SPOCK3: variants seen among roughly 807,000 people sequenced by gnomAD.
SPOCK3 encodes testican-3.
Under a neutral mutation model 56.6 loss-of-function variants are expected in SPOCK3, and 30 were observed. That is an observed-to-expected ratio of 0.53 (90% CI 0.40 to 0.72). SPOCK3 has a LOEUF of 0.72. Ranked by LOEUF, SPOCK3 falls within the 30% of genes least tolerant of loss-of-function variation. SPOCK3 has a pLI of 0.00. For synonymous variants in SPOCK3, 196 were observed against 183.3 expected, an observed-to-expected ratio of 1.07 and a Z score of -0.56; for missense variants, 527 against 530.0, an observed-to-expected ratio of 0.99 and a Z score of 0.06.
chr4:166,835,399 C>A (rs1383386924), intron 6 of SPOCK3, among the ~76,000 whole-genome samples: 1 of 151,950 alleles, frequency 6.6e-6, no homozygotes. Flanking sequence ...CCAAAGGAAA[C>A]AAAACAAATC....
intron 4 of SPOCK3, among the ~76,000 whole-genome samples, chr4:166,969,484 TGTTTAA>T (rs1197358968): frequency 3.9e-5 from 5 of 129,712 alleles, no homozygotes; most frequent in African/African-American, 1.3e-4. Flanking sequence ...GAGATCTAGT[TGTTTAA>T]ATGTGTTTAA....
intron 4 of SPOCK3, among the ~76,000 whole-genome samples, chr4:166,989,733 T>G (rs1747565810): frequency 6.6e-6 from 1 of 152,176 alleles, no homozygotes; most frequent in African/African-American, 2.4e-5. Context: ...TACGTTTTTT[T>G]GGTAGTAAAT....
intron 3 of SPOCK3, among the ~76,000 whole-genome samples, chr4:167,033,849 C>A (rs928990773): frequency 2.0e-5 from 3 of 151,958 alleles, no homozygotes; most frequent in Admixed American, 6.6e-5. Flanking sequence ...TAGATTAAGG[C>A]AGCCCTCTAT....
intron 6 of SPOCK3, among the ~76,000 whole-genome samples, chr4:166,812,682 G>A (rs977684701): frequency 1.3e-5 from 2 of 151,872 alleles, no homozygotes; most frequent in Non-Finnish European, 2.9e-5. Context: ...TATGTCAACA[G>A]TATGATATTG....
chr4:167,208,320 GC>G (rs1734549107), intron 2 of SPOCK3, among the ~76,000 whole-genome samples: 1 of 152,128 alleles, frequency 6.6e-6, no homozygotes, highest in South Asian at 2.1e-4. Flanking sequence ...TTTGTAGTTT[GC>G]TATTTTATTC....
chr4:166,927,728 G>C (rs1394974777), intron 4 of SPOCK3, among the ~76,000 whole-genome samples: 1 of 152,048 alleles, frequency 6.6e-6, no homozygotes, highest in Non-Finnish European at 1.5e-5. Flanking sequence ...TTGAAAAGCT[G>C]TATTTCATTA....
chr4:167,052,661 C>A (rs951851960), intron 3 of SPOCK3, among the ~76,000 whole-genome samples: 1 of 152,114 alleles, frequency 6.6e-6, no homozygotes, highest in Non-Finnish European at 1.5e-5. Context: ...TCCCTAAGCT[C>A]TTAAACAAAG....
At chr4:167,028,744 A>G (rs147639837) in intron 3 of SPOCK3, among the ~76,000 whole-genome samples, 40 of 152,156 alleles carry the variant, frequency 2.6e-4, no homozygotes, top group African/African-American at 9.4e-4. Flanking sequence ...ATACTATTCA[A>G]AAAGGATAGG....
intron 3 of SPOCK3, among the ~76,000 whole-genome samples, chr4:167,053,923 G>T (rs943273188): frequency 2.6e-5 from 4 of 151,864 alleles, no homozygotes; most frequent in African/African-American, 9.7e-5. Flanking sequence ...AAAATGAAAC[G>T]GGTTCGTTCT....
chr4:167,013,737 CTACT>C (rs1750323737), intron 3 of SPOCK3, among the ~76,000 whole-genome samples: 1 of 151,890 alleles, frequency 6.6e-6, no homozygotes, highest in Non-Finnish European at 1.5e-5. Flanking sequence ...AAGAAAGCCC[CTACT>C]AATATGGCGA....
At chr4:166,897,009 T>C (rs763999436) in intron 5 of SPOCK3, among the ~76,000 whole-genome samples, 6 of 152,136 alleles carry the variant, frequency 3.9e-5, no homozygotes, top group Admixed American at 2.6e-4. Flanking sequence ...CTCCATCAAT[T>C]ACTAAGAGTA....
intron 4 of SPOCK3, among the ~76,000 whole-genome samples, chr4:166,956,043 T>C (rs1050226550): frequency 6.6e-6 from 1 of 152,144 alleles, no homozygotes; most frequent in Non-Finnish European, 1.5e-5. Context: ...AGTATCCATA[T>C]AGAAGATACT....
chr4:166,827,704 C>T (rs1405362067), intron 6 of SPOCK3, among the ~76,000 whole-genome samples: 1 of 152,026 alleles, frequency 6.6e-6, no homozygotes, highest in Non-Finnish European at 1.5e-5. Flanking sequence ...GTTACTTGCT[C>T]TGATTAGCAG....
chr4:166,803,050 G>GCA (rs1742784410), intron 6 of SPOCK3, among the ~76,000 whole-genome samples: 1 of 152,114 alleles, frequency 6.6e-6, no homozygotes, highest in African/African-American at 2.4e-5. Flanking sequence ...GACAAATAAA[G>GCA]CACACACACA....
At chr4:167,014,818 C>A (rs576387840) in intron 3 of SPOCK3, among the ~76,000 whole-genome samples, 12 of 151,774 alleles carry the variant, frequency 7.9e-5, no homozygotes, top group African/African-American at 2.7e-4. Context: ...CTGGGCTGGC[C>A]GTTAGGATGG....
At position 167,140,935 on chromosome 4, in the gene SPOCK3, T is replaced by C. The variant is rs1422745891; in HGVS notation, c.190-78398A>G. On this transcript the variant is annotated intron_variant, in intron 2 of 10. Coordinates refer to ENST00000357545, the MANE Select transcript of SPOCK3 (RefSeq NM_001040159.2). The stretch of plus-strand genomic sequence containing the variant: ...AGGGATTCCCATGTTCATGTGCACA[T>C]TGATAAACATATATACCTTTTTTCT... 2.6e-5 allele frequency among the ~76,000 whole-genome samples: 4 copies of C among 152,030 alleles called. No homozygotes were observed. The East Asian group carries it at 7.7e-4, about 29-fold the overall frequency.
At chr4:166,978,985 T>G (rs1370472008) in intron 4 of SPOCK3, among the ~76,000 whole-genome samples, 1 of 152,218 alleles carries the variant, frequency 6.6e-6, no homozygotes, top group Non-Finnish European at 1.5e-5. Context: ...TCGTGAAGTA[T>G]GTGAATGTAT....
At chr4:167,151,147 A>G (rs1057093107) in intron 2 of SPOCK3, among the ~76,000 whole-genome samples, 2 of 152,194 alleles carry the variant, frequency 1.3e-5, no homozygotes, top group Admixed American at 1.3e-4. Context: ...CACACCCAAG[A>G]TGAGCTAAAT....
chr4:166,826,704 C>T (rs1745519348), intron 6 of SPOCK3, among the ~76,000 whole-genome samples: 1 of 152,060 alleles, frequency 6.6e-6, no homozygotes, highest in Non-Finnish European at 1.5e-5. Context: ...GCCCACATCC[C>T]ATATTTCTGG....
Sources: gnomAD v4.1 joint callset for allele counts (sites outside exome capture counted in the v4.1 genomes callset) on GRCh38, gnomAD v4.1.1 for gene constraint, MANE v1.5 for transcripts, NCBI Gene and HGNC (gene_info 2026-07-23, HGNC 2026-07-21) for gene names.